IFT80: variants seen among roughly 807,000 people sequenced by gnomAD.
IFT80 encodes intraflagellar transport 80.
Under a neutral mutation model 107.9 loss-of-function variants are expected in IFT80, and 79 were observed. The observed-to-expected ratio is 0.73, with a 90% CI of 0.61 to 0.88. The LOEUF (loss-of-function observed/expected upper bound fraction) is 0.88, where lower values mean the gene tolerates loss of function less well. Among genes scored for constraint, IFT80 ranks in the 40% least tolerant of loss-of-function variants. The pLI is 0.00. For synonymous variants in IFT80, 299 were observed against 300.9 expected (o/e 0.99, Z 0.07); for missense variants, 797 against 914.2 (o/e 0.87, Z 1.65).
chr3:160,359,330 C>A (rs112757632), intron 6 of IFT80, among the ~76,000 whole-genome samples: 2 of 152,180 alleles, frequency 1.3e-5, no homozygotes, highest in Non-Finnish European at 1.5e-5. Flanking sequence ...AGTTTCATTT[C>A]TATAAGCCTA....
At position 160,350,415 on chromosome 3, in the gene IFT80, C is replaced by CA. The variant is rs60135065; in HGVS notation, c.777+5597dup. The stretch of plus-strand genomic sequence containing the variant: ...TGGGTGACAGAGCAAGACTCTGTCT[C>CA]AAAAAAAAAAAAAAAAGGATATGCA... On this transcript the variant is annotated intron_variant, in intron 8 of 19. Coordinates refer to ENST00000326448, the MANE Select transcript of IFT80 (RefSeq NM_020800.3). 3.9e-3 allele frequency among the ~76,000 whole-genome samples: 448 copies of CA among 116,260 alleles called. 3 individuals are homozygous for CA. The highest frequency in any genetic ancestry group is 0.014 in the East Asian group (45 of 3,282). 76.3% of individuals were successfully genotyped at this position (116,260 alleles called of 152,430 possible). A position where few individuals can be genotyped will look rare whatever the true frequency, so the allele number is the denominator to read the frequency against.
At chr3:160,349,285 TA>T (rs1263531155) in intron 8 of IFT80, among the ~76,000 whole-genome samples, 1 of 151,770 alleles carries the variant, frequency 6.6e-6, no homozygotes, top group African/African-American at 2.4e-5. Flanking sequence ...CCGTCTCTAA[TA>T]AAAAATGCAA....
Position 160,307,784 on chromosome 3 carries a change from A to ATTCTCACTCATAGGTGGGAATTG in IFT80, c.958-4_958-3insCAATTCCCACCTATGAGTGAGAA. 1 of 1,378,994 alleles carries ATTCTCACTCATAGGTGGGAATTG rather than the reference A, an allele frequency of 7.3e-7. No homozygotes were observed. The highest frequency in any genetic ancestry group is 1.7e-5 in the Admixed American group (1 of 59,554). The allele number at this position is 1,378,994 out of a possible 1,614,324, so 85.4% of individuals were successfully genotyped here. A position where few individuals can be genotyped will look rare whatever the true frequency, so the allele number is the denominator to read the frequency against. The stretch of plus-strand genomic sequence containing the variant: ...GCATCATTAAGAACATTACGAACCT[A>ATTCTCACTCATAGGTGGGAATTG]AACAAGGAAAAATAAAATACCAATA... On this transcript the variant is annotated splice_polypyrimidine_tract_variant and splice_region_variant and intron_variant, in intron 9 of 19. Coordinates refer to ENST00000326448, the MANE Select transcript of IFT80 (RefSeq NM_020800.3).
At chr3:160,275,467 T>C (rs1177498673) in intron 18 of IFT80, among the ~76,000 whole-genome samples, 1 of 152,238 alleles carries the variant, frequency 6.6e-6, no homozygotes, top group African/African-American at 2.4e-5. Flanking sequence ...TTTCCCCTTA[T>C]GGATTATATG....
chr3:160,354,018 A>G (rs1318495232), intron 8 of IFT80, among the ~76,000 whole-genome samples: 2 of 152,200 alleles, frequency 1.3e-5, no homozygotes, highest in Non-Finnish European at 2.9e-5. Context: ...ATTGTTGAGT[A>G]TCTACTGTGT....
intron 12 of IFT80, 50 bp from the exon 13 acceptor site, chr3:160,285,918 T>C: frequency 2.3e-6 from 3 of 1,313,858 alleles, no homozygotes; most frequent in Non-Finnish European, 3.3e-6. Flanking sequence ...GAATTTTTAC[T>C]GGTAAAATTC....
chr3:160,319,971 T>C, intron 8 of IFT80, 32 bp from the exon 9 acceptor site: 1 of 1,588,320 alleles, frequency 6.3e-7, no homozygotes, highest in Non-Finnish European at 8.6e-7. Flanking sequence ...AAAGATGGAC[T>C]TACTGAAAAA....
intron 12 of IFT80, among the ~76,000 whole-genome samples, chr3:160,294,122 T>C (rs959130672): frequency 2.0e-5 from 3 of 152,214 alleles, no homozygotes; most frequent in Admixed American, 6.5e-5. Flanking sequence ...TTTTAGCCAG[T>C]TGGTCAGAAA....
intron 9 of IFT80, among the ~76,000 whole-genome samples, chr3:160,310,729 G>C (rs1717177217): frequency 6.6e-6 from 1 of 152,128 alleles, no homozygotes; most frequent in African/African-American, 2.4e-5. Flanking sequence ...CTAAAAGAGA[G>C]ACAAGCAGAC....
intron 2 of IFT80, chr3:160,383,639 T>C (rs1434579350): frequency 7.1e-6 from 7 of 979,886 alleles, no homozygotes; most frequent in Non-Finnish European, 8.5e-6. Context: ...TATTTACCTA[T>C]TCTTTCACAG....
In IFT80 at chr3:160,357,509, C is replaced by G. The variant is rs756838676; in HGVS notation, c.619G>C (p.Gly207Arg). 6.4e-7 allele frequency: 1 copy of G among 1,569,708 alleles called. No homozygotes were observed. Among genetic ancestry groups the G allele is most frequent in the Non-Finnish European group, 8.8e-7 (1 of 1,140,354 alleles). The change falls in exon 7 of 20, where the codon GGT (glycine) becomes CGT (arginine). Residue 207 changes from glycine to arginine, a missense_variant. Transcript: ENST00000326448. ...TATACCTTATATTTACAGTCTTCACCAGCAGATAAAATAAGATCATTGACC... is the reference window on the plus strand; with the variant it reads ...TATACCTTATATTTACAGTCTTCACGAGCAGATAAAATAAGATCATTGACC... Reference protein sequence around the residue: ...NSVNDLILSAGEDCKYKVWDS... With the variant: ...NSVNDLILSAREDCKYKVWDS...
chr3:160,389,792 C>A (rs951346451), intron 1 of IFT80, among the ~76,000 whole-genome samples: 1 of 152,002 alleles, frequency 6.6e-6, no homozygotes, highest in Non-Finnish European at 1.5e-5. Context: ...AATAAACATA[C>A]GTGTGCATGT....
At chr3:160,396,716 G>C (rs1451624550) in intron 1 of IFT80, among the ~76,000 whole-genome samples, 1 of 152,138 alleles carries the variant, frequency 6.6e-6, no homozygotes, top group African/African-American at 2.4e-5. Context: ...CTGTAACCCA[G>C]TCTTTTCCAG....
chr3:160,332,083 G>A (rs773530455), intron 8 of IFT80, among the ~76,000 whole-genome samples: 14 of 152,038 alleles, frequency 9.2e-5, no homozygotes, highest in Non-Finnish European at 1.9e-4. Context: ...TTTATTTCCT[G>A]TAAATTAGTA....
chr3:160,358,174 CTT>C (rs771338385), intron 6 of IFT80, among the ~76,000 whole-genome samples: 2 of 141,782 alleles, frequency 1.4e-5, no homozygotes, highest in Non-Finnish European at 1.6e-5. Flanking sequence ...CACCCAGCTA[CTT>C]TTTTTTTTTT....
At chr3:160,288,020 C>G (rs1478931693) in intron 12 of IFT80, among the ~76,000 whole-genome samples, 1 of 152,152 alleles carries the variant, frequency 6.6e-6, no homozygotes, top group Non-Finnish European at 1.5e-5. Context: ...CTCATCCAAA[C>G]TGGGAAAAAA....
At chr3:160,355,572 A>G (rs1206767754) in intron 8 of IFT80, among the ~76,000 whole-genome samples, 1 of 152,102 alleles carries the variant, frequency 6.6e-6, no homozygotes, top group Non-Finnish European at 1.5e-5. Context: ...TCTTAAAATG[A>G]CTATTTTTCC....
intron 12 of IFT80, among the ~76,000 whole-genome samples, chr3:160,294,844 A>T (rs1356153907): frequency 6.6e-6 from 1 of 152,174 alleles, no homozygotes; most frequent in Non-Finnish European, 1.5e-5. Flanking sequence ...TAAGCCCCCT[A>T]ATTTTTAGAG....
Position 160,285,751 on chromosome 3 carries a change from AG to A in IFT80, c.1380+52del. The A allele has an allele frequency of 2.6e-6, 3 of 1,155,772 alleles. No individual in the cohort carries two copies. In the South Asian group the frequency reaches 4.0e-5, roughly 15 times the overall value. The allele number at this position is 1,155,772 out of a possible 1,614,324, so 71.6% of individuals were successfully genotyped here. On this transcript the variant is annotated intron_variant, in intron 13 of 19. Coordinates refer to ENST00000326448, the MANE Select transcript of IFT80 (RefSeq NM_020800.3). ...TAAAATGAAAACATTAATTTTGAAA[AG>A]GAAATAAATAAATAGTGGCTATTTA...
Sources: allele counts gnomAD v4.1 joint callset (sites outside exome capture counted in the v4.1 genomes callset), GRCh38; gene constraint gnomAD v4.1.1; transcripts MANE v1.5; gene names NCBI Gene and HGNC (gene_info 2026-07-23, HGNC 2026-07-21).